Variants in OR5M1 observed in about 807,000 individuals in gnomAD.
OR5M1 encodes the protein olfactory receptor family 5 subfamily M member 1, also known as olfactory receptor 5M1.
For synonymous variants in OR5M1, 165 were observed against 144.2 expected (o/e 1.14, Z -1.04); for missense variants, 367 against 379.5 (o/e 0.97, Z 0.27).
rs935489085 is a variant in OR5M1 at position 56,609,827 on chromosome 11, A to T, written c.*2728T>A. On this transcript the variant is annotated 3_prime_UTR_variant, in exon 2 of 2. Coordinates refer to ENST00000641076, the MANE Select transcript of OR5M1 (RefSeq NM_001004740.2). ...TAAGTAAATGTTGCTTCTATGTCTT[A>T]TGTATGTCAATATGGTTCAGTCAGT... The T allele has an allele frequency of 2.0e-5, 3 of 152,022 alleles. No individual in the cohort carries two copies. The highest frequency in any genetic ancestry group is 7.2e-5 in the African/African-American group (3 of 41,454). The allele number at this position is 152,022 out of a possible 1,614,324, so 9.4% of individuals were successfully genotyped here. A position where few individuals can be genotyped will look rare whatever the true frequency, so the allele number is the denominator to read the frequency against.
intron 1 of OR5M1, 89 bp from the exon 2 acceptor site, chr11:56,613,608 A>G (rs1033689482): frequency 9.7e-7 from 1 of 1,026,890 alleles, no homozygotes; most frequent in Middle Eastern, 2.1e-4. Flanking sequence ...TCATCTATTT[A>G]TCTAGGTGAC....
rs2019246 is a variant in OR5M1, at chr11:56,612,533, G to C, written c.*22C>G. 1 of 1,548,868 alleles carries C rather than the reference G, an allele frequency of 6.5e-7. No individual in the cohort carries two copies. Among genetic ancestry groups the C allele is most frequent in the African/African-American group, 1.4e-5 (1 of 72,868 alleles). On this transcript the variant is annotated 3_prime_UTR_variant, in exon 2 of 2. Coordinates refer to ENST00000641076, the MANE Select transcript of OR5M1 (RefSeq NM_001004740.2). The stretch of plus-strand genomic sequence containing the variant: ...CAGTTTGTTACTCCACAAGCAATTC[G>C]TGACTGCAAATAAACACAAGCCTAA...
intron 1 of OR5M1, 41 bp downstream of exon 1, chr11:56,614,816 C>CACACAA (rs1434017072): frequency 6.9e-6 from 1 of 145,406 alleles, no homozygotes; most frequent in East Asian, 2.0e-4. Flanking sequence ...CACACACACA[C>CACACAA]AAATTGTATT....
intron 1 of OR5M1, 41 bp from the exon 2 acceptor site, chr11:56,613,560 G>C (rs1456162661): frequency 6.7e-7 from 1 of 1,500,980 alleles, no homozygotes; most frequent in Non-Finnish European, 9.2e-7. Context: ...CTCTGATTCA[G>C]ATTTGGCATT....
rs1026549584 is a variant in OR5M1, at chr11:56,610,920, G to A, written c.*1635C>T. ...TCATAACTAGAAAATAAATGGAATC[G>A]TACAGTTATTTAGGCCAAATATAGA... is the stretch of plus-strand genomic sequence containing the variant. On this transcript the variant is annotated 3_prime_UTR_variant, in exon 2 of 2. Transcript: ENST00000641076. The A allele has an allele frequency of 3.3e-5, 5 of 152,028 alleles. No homozygotes were observed. The highest frequency in any genetic ancestry group is 7.2e-5 in the African/African-American group (3 of 41,400). 9.4% of individuals were successfully genotyped at this position (152,028 alleles called of 1,614,324 possible).
In OR5M1 at chr11:56,613,237, T is replaced by C. The variant is rs1853704632; in HGVS notation, c.266A>G (p.Gln89Arg). Reference sequence around the variant, plus strand: ...GCATCCAGCGTAGGAGATGGTCTTCTGTTCTGAGAGGAAATTGTGCAGCAT... The same window carrying C: ...GCATCCAGCGTAGGAGATGGTCTTCCGTTCTGAGAGGAAATTGTGCAGCAT... The part of the protein sequence containing the change: ...PNMLHNFLSE[Q>R]KTISYAGCFT... Residue 89 changes from glutamine (Q) to arginine (R), a missense_variant, in exon 2 of 2, where the codon CAG becomes CGG. Transcript: ENST00000641076. 7.4e-6 allele frequency: 12 copies of C among 1,613,762 alleles called. No individual in the cohort carries two copies. The highest frequency in any genetic ancestry group is 1.0e-5 in the Non-Finnish European group (12 of 1,179,704).
Position 56,613,219 on chromosome 11 carries a change from G to T in OR5M1, c.284C>A (p.Ala95Asp), listed in dbSNP as rs1302630350. The stretch of plus-strand genomic sequence containing the variant: ...GAGAAGACACTGTGTGAAGCATCCA[G>T]CGTAGGAGATGGTCTTCTGTTCTGA... Reference protein sequence around the residue: ...FLSEQKTISYAGCFTQCLLFI... With the variant: ...FLSEQKTISYDGCFTQCLLFI... The change falls in exon 2 of 2, where the codon GCT becomes GAT. Residue 95 changes from alanine (A) to aspartate (D), a missense_variant. Ala to Asp is a moderately radical substitution (Grantham distance 126, BLOSUM62 -2). Transcript: ENST00000641076. 1 of 1,613,738 alleles carries T rather than the reference G, an allele frequency of 6.2e-7. No homozygotes were observed. Among genetic ancestry groups the T allele is most frequent in the Non-Finnish European group, 8.5e-7 (1 of 1,179,702 alleles).
At position 56,610,833 on chromosome 11, in the gene OR5M1, C is replaced by T. The variant is rs1051829809; in HGVS notation, c.*1722G>A. 2.0e-5 allele frequency: 3 copies of T among 151,958 alleles called. No homozygotes were observed. Among genetic ancestry groups the T allele is most frequent in the African/African-American group, 7.2e-5 (3 of 41,380 alleles). 9.4% of individuals were successfully genotyped at this position (151,958 alleles called of 1,614,324 possible). On this transcript the variant is annotated 3_prime_UTR_variant, in exon 2 of 2. Coordinates refer to ENST00000641076, the MANE Select transcript of OR5M1 (RefSeq NM_001004740.2). ...TATTAAAAATCAATTAGAAACAGGTCAGTCATTTTGACTAAAAGGATGTCA... is the reference window on the plus strand; with the variant it reads ...TATTAAAAATCAATTAGAAACAGGTTAGTCATTTTGACTAAAAGGATGTCA...
At position 56,609,810 on chromosome 11, in the gene OR5M1, T is replaced by C. The variant is rs1459656208; in HGVS notation, c.*2745A>G. ...CTTCAGGTAGGTGATTATAAGTAAA[T>C]GTTGCTTCTATGTCTTATGTATGTC... On this transcript the variant is annotated 3_prime_UTR_variant, in exon 2 of 2. Transcript: ENST00000641076. The C allele has an allele frequency of 1.3e-5, 2 of 152,010 alleles. No individual in the cohort carries two copies. The highest frequency in any genetic ancestry group is 3.9e-4 in the East Asian group (2 of 5,194). The allele number at this position is 152,010 out of a possible 1,614,324, so 9.4% of individuals were successfully genotyped here.
chr11:56,614,203 G>A (rs1436352615), intron 1 of OR5M1, among the ~76,000 whole-genome samples: 1 of 152,076 alleles, frequency 6.6e-6, no homozygotes, highest in East Asian at 1.9e-4. Context: ...AATTCCTGCG[G>A]TTACTACAGT....
At chr11:56,613,910 A>T (rs1013610477) in intron 1 of OR5M1, among the ~76,000 whole-genome samples, 20 of 152,298 alleles carry the variant, frequency 1.3e-4, no homozygotes, top group African/African-American at 4.8e-4. Flanking sequence ...GGTTATTTGC[A>T]TCTTTCAAAT....
At chr11:56,614,467 C>A (rs1853721176) in intron 1 of OR5M1, among the ~76,000 whole-genome samples, 1 of 151,930 alleles carries the variant, frequency 6.6e-6, no homozygotes, top group Non-Finnish European at 1.5e-5. Flanking sequence ...TTTTTGTTCC[C>A]ATTTTTGTGC....
At position 56,613,412 on chromosome 11, in the gene OR5M1, A is replaced by T; in HGVS notation, c.91T>A (p.Phe31Ile). The change falls in exon 2 of 2, where the codon TTC (phenylalanine) becomes ATC (isoleucine). Residue 31 changes from phenylalanine to isoleucine, a missense_variant. Transcript: ENST00000641076. ...AGTGTGATTAGGTAGATCGCAAGGA[A>T]TACCCCAAACAGGATCTTCTCTAGC... Reference protein sequence around the residue: ...PVLEKILFGVFLAIYLITLAG... With the variant: ...PVLEKILFGVILAIYLITLAG... 1.2e-6 allele frequency: 2 copies of T among 1,613,678 alleles called. No homozygotes were observed. The highest frequency in any genetic ancestry group is 2.2e-5 in the South Asian group (2 of 91,082).
At chr11:56,614,440 G>C (rs918086855) in intron 1 of OR5M1, among the ~76,000 whole-genome samples, 3 of 152,076 alleles carry the variant, frequency 2.0e-5, no homozygotes, top group Admixed American at 6.6e-5. Flanking sequence ...TCTACTATTT[G>C]GGGAAAGTGT....
chr11:56,614,861 T>C lies in OR5M1; in HGVS notation c.-22A>G, dbSNP rs1853727941. 1 of 151,836 alleles carries C rather than the reference T, an allele frequency of 6.6e-6. No individual in the cohort carries two copies. The highest frequency in any genetic ancestry group is 2.1e-4 in the South Asian group (1 of 4,822). The allele number at this position is 151,836 out of a possible 1,614,324, so 9.4% of individuals were successfully genotyped here. On this transcript the variant is annotated 5_prime_UTR_variant, in exon 1 of 2. Coordinates refer to ENST00000641076, the MANE Select transcript of OR5M1 (RefSeq NM_001004740.2). ...CAAATGTAGAAAATGACCTACCTGTTAATGTTAATGGACCATATCTTATGA... is the reference window on the plus strand; with the variant it reads ...CAAATGTAGAAAATGACCTACCTGTCAATGTTAATGGACCATATCTTATGA...
Position 56,612,431 on chromosome 11 carries a change from A to G in OR5M1, c.*124T>C, listed in dbSNP as rs922079296. 1 of 575,524 alleles carries G rather than the reference A, an allele frequency of 1.7e-6. No individual in the cohort carries two copies. The highest frequency in any genetic ancestry group is 3.0e-6 in the Non-Finnish European group (1 of 336,584). The allele number at this position is 575,524 out of a possible 1,614,324, so 35.7% of individuals were successfully genotyped here. A position where few individuals can be genotyped will look rare whatever the true frequency, so the allele number is the denominator to read the frequency against. The stretch of plus-strand genomic sequence containing the variant: ...CAATCTTCAAGGTTTTCATTTGGAT[A>G]AGAAAGTAAAGTGGTTACTGACAGT... On this transcript the variant is annotated 3_prime_UTR_variant, in exon 2 of 2. Coordinates refer to ENST00000641076, the MANE Select transcript of OR5M1 (RefSeq NM_001004740.2).
At chr11:56,613,990 T>C (rs915039163) in intron 1 of OR5M1, among the ~76,000 whole-genome samples, 1 of 152,192 alleles carries the variant, frequency 6.6e-6, no homozygotes, top group Non-Finnish European at 1.5e-5. Context: ...AGATACAAAA[T>C]GAAGAAAGAA....
Position 56,609,612 on chromosome 11 carries a change from A to G in OR5M1, c.*2943T>C, listed in dbSNP as rs1407183819. Reference sequence around the variant, plus strand: ...AAAATTTAGCAGGAGTTTCAAAAGCATTGAAAACATTTAATTCAGCAGTTC... The same window carrying G: ...AAAATTTAGCAGGAGTTTCAAAAGCGTTGAAAACATTTAATTCAGCAGTTC... On this transcript the variant is annotated 3_prime_UTR_variant, in exon 2 of 2. Coordinates refer to ENST00000641076, the MANE Select transcript of OR5M1 (RefSeq NM_001004740.2). 6.6e-6 allele frequency: 1 copy of G among 151,932 alleles called. No homozygotes were observed. Among genetic ancestry groups the G allele is most frequent in the African/African-American group, 2.4e-5 (1 of 41,418 alleles). 9.4% of individuals were successfully genotyped at this position (151,932 alleles called of 1,614,324 possible).
intron 1 of OR5M1, 92 bp from the exon 2 acceptor site, chr11:56,613,611 T>C: frequency 1.0e-6 from 1 of 977,350 alleles, no homozygotes; most frequent in Admixed American, 2.5e-5. Context: ...TCTATTTATC[T>C]AGGTGACAAT....
Sources: allele counts gnomAD v4.1 joint callset (sites outside exome capture counted in the v4.1 genomes callset), GRCh38; gene constraint gnomAD v4.1.1; transcripts MANE v1.5; gene names NCBI Gene and HGNC (gene_info 2026-07-23, HGNC 2026-07-21).